Variants in SOX6 observed in about 807,000 individuals in gnomAD.
SOX6 encodes SRY-box transcription factor 6.
Under a neutral mutation model 97.8 loss-of-function variants are expected in SOX6, and 11 were observed. That is an observed-to-expected ratio of 0.11 (90% CI 0.07 to 0.19). The LOEUF (loss-of-function observed/expected upper bound fraction) is 0.19. SOX6 is among the 10% of genes least tolerant of loss of function. SOX6 has a pLI of 1.00. For synonymous variants in SOX6, 360 were observed against 371.4 expected, an observed-to-expected ratio of 0.97 and a Z score of 0.35; for missense variants, 810 against 1,039.5, an observed-to-expected ratio of 0.78 and a Z score of 3.04.
chr11:16,523,503 A>G, intron 4 of SOX6, among the ~76,000 whole-genome samples: 1 of 152,116 alleles, frequency 6.6e-6, no homozygotes, highest in African/African-American at 2.4e-5. Flanking sequence ...GGAAATTTAT[A>G]GCACTAAATG....
intron 3 of SOX6, among the ~76,000 whole-genome samples, chr11:16,261,391 C>A (rs1853890708): frequency 1.3e-5 from 2 of 152,170 alleles, no homozygotes; most frequent in South Asian, 4.1e-4. Flanking sequence ...TGTTTATTTT[C>A]TGTAATTTTT....
At chr11:15,993,199 G>A (rs1311045717) in intron 13 of SOX6, among the ~76,000 whole-genome samples, 2 of 151,982 alleles carry the variant, frequency 1.3e-5, no homozygotes, top group Non-Finnish European at 2.9e-5. Flanking sequence ...TTTTCAAAAG[G>A]TATACTATTA....
intron 1 of SOX6, among the ~76,000 whole-genome samples, chr11:16,443,031 G>C (rs1197349920): frequency 6.6e-6 from 1 of 151,796 alleles, no homozygotes; most frequent in Non-Finnish European, 1.5e-5. Flanking sequence ...GAACTTTTTA[G>C]AATTCCTAAA....
chr11:16,067,227 T>C (rs1257243967), intron 9 of SOX6, among the ~76,000 whole-genome samples: 1 of 152,190 alleles, frequency 6.6e-6, no homozygotes, highest in South Asian at 2.1e-4. Context: ...TGTGAAGACA[T>C]GAGATTTGGG....
At chr11:16,586,308 A>C (rs1157744579) in intron 4 of SOX6, among the ~76,000 whole-genome samples, 1 of 152,170 alleles carries the variant, frequency 6.6e-6, no homozygotes, top group African/African-American at 2.4e-5. Context: ...TAGAGGTAAT[A>C]AGAGGTGGGG....
chr11:16,504,575 A>C (rs923778005), intron 4 of SOX6, among the ~76,000 whole-genome samples: 4 of 151,992 alleles, frequency 2.6e-5, no homozygotes, highest in Non-Finnish European at 4.4e-5. Flanking sequence ...TGGAAAAAAA[A>C]ATGAAGAGGA....
At position 16,340,489 on chromosome 11, in the gene SOX6, C is replaced by T. The variant is rs560730097; in HGVS notation, c.237+523G>A. Among the ~76,000 whole-genome samples the T allele has an allele frequency of 6.6e-5, 10 of 152,082 alleles. No individual in the cohort carries two copies. In the East Asian group the frequency reaches 1.4e-3, roughly 21 times the overall value. ...CTGTAGTCTGATTGACTTATTCTCA[C>T]GAGGTTTGCATGCCCTTTTGAAATT... is the stretch of plus-strand genomic sequence containing the variant. On this transcript the variant is annotated intron_variant, in intron 2 of 15. Transcript: ENST00000683767.
In SOX6 at chr11:16,124,456, G is replaced by T. The variant is rs111843326; in HGVS notation, c.778-12533C>A. ...GAGTATGAAGAATGAAAGGCAGAAA[G>T]TTGGAGGTAGTAGGTAGAAGGTACA... On this transcript the variant is annotated intron_variant, in intron 6 of 15. Transcript: ENST00000683767. 2.3e-3 allele frequency among the ~76,000 whole-genome samples: 343 copies of T among 152,214 alleles called. 1 individual carries two copies. Among genetic ancestry groups the T allele is most frequent in the African/African-American group, 7.7e-3 (321 of 41,548 alleles).
chr11:16,278,503 C>T (rs186250490), intron 3 of SOX6, among the ~76,000 whole-genome samples: 1,637 of 152,168 alleles, frequency 0.011, 26 homozygotes, highest in Non-Finnish European at 0.013. Flanking sequence ...GAGCTCATAG[C>T]GTAGACGCCA....
At chr11:16,706,439 G>A (rs1218247416) in intron 3 of SOX6, among the ~76,000 whole-genome samples, 3 of 71,638 alleles carry the variant, frequency 4.2e-5, no homozygotes, top group Non-Finnish European at 4.7e-5. Flanking sequence ...GAAAGAGTGA[G>A]AACCTATCAC....
At chr11:16,592,535 C>T (rs919772102) in intron 4 of SOX6, among the ~76,000 whole-genome samples, 20 of 151,934 alleles carry the variant, frequency 1.3e-4, no homozygotes, top group Admixed American at 1.0e-3. Context: ...AAATAGACAG[C>T]TCATTTGGGA....
At chr11:16,321,262 CAA>C (rs78785045) in intron 2 of SOX6, among the ~76,000 whole-genome samples, 18 of 67,134 alleles carry the variant, frequency 2.7e-4, no homozygotes, top group Admixed American at 5.2e-4. Flanking sequence ...ACATTATGGC[CAA>C]AAAAAAAAAA....
chr11:16,521,048 G>A (rs918893411), intron 4 of SOX6, among the ~76,000 whole-genome samples: 1 of 152,198 alleles, frequency 6.6e-6, no homozygotes, highest in Non-Finnish European at 1.5e-5. Flanking sequence ...ACCTCTGGGG[G>A]CAGGGCACCG....
At chr11:16,212,217 T>C (rs893711253) in intron 4 of SOX6, among the ~76,000 whole-genome samples, 1 of 152,110 alleles carries the variant, frequency 6.6e-6, no homozygotes, top group East Asian at 1.9e-4. Flanking sequence ...TTAGCTCTAA[T>C]ACCAGAAGAT....
rs201022093 is a variant in SOX6, at chr11:16,132,401, A to G, written c.778-20478T>C. 4.8e-3 allele frequency among the ~76,000 whole-genome samples: 212 copies of G among 43,774 alleles called. 2 individuals carry two copies. The highest frequency in any genetic ancestry group is 0.01 in the Middle Eastern group (1 of 100). The allele number at this position is 43,774 out of a possible 152,430, so 28.7% of individuals were successfully genotyped here. On this transcript the variant is annotated intron_variant, in intron 6 of 15. Coordinates refer to ENST00000683767, the MANE Select transcript of SOX6 (RefSeq NM_001367873.1). ...AAGAAAGAAAGAAAGAAAGAAAGAA[A>G]AAAGAAAGAAAGAAAGAAAGAAAGA... is the stretch of plus-strand genomic sequence containing the variant.
At chr11:16,655,893 C>G (rs1847713354) in intron 3 of SOX6, among the ~76,000 whole-genome samples, 2 of 151,858 alleles carry the variant, frequency 1.3e-5, no homozygotes, top group African/African-American at 4.8e-5. Context: ...CACTTGAGCC[C>G]AGGAGTTCAA....
intron 13 of SOX6, among the ~76,000 whole-genome samples, chr11:16,002,172 C>G (rs1854425820): frequency 6.6e-6 from 1 of 152,144 alleles, no homozygotes; most frequent in Admixed American, 6.5e-5. Context: ...CGGAGTGGCG[C>G]AGGAGTTATA....
At chr11:16,291,386 T>TAAATAAATAAATAAAC (rs1456089963) in intron 3 of SOX6, among the ~76,000 whole-genome samples, 3 of 151,240 alleles carry the variant, frequency 2.0e-5, no homozygotes, top group Non-Finnish European at 4.4e-5. Context: ...AATAAATAAA[T>TAAATAAATAAATAAAC]AAACAAATAA....
At chr11:16,225,899 T>C (rs1003818464) in intron 4 of SOX6, among the ~76,000 whole-genome samples, 1 of 152,184 alleles carries the variant, frequency 6.6e-6, no homozygotes, top group African/African-American at 2.4e-5. Context: ...AACCCAACCA[T>C]AATATGCTTG....
Sources: allele counts gnomAD v4.1 joint callset (sites outside exome capture counted in the v4.1 genomes callset), GRCh38; gene constraint gnomAD v4.1.1; transcripts MANE v1.5; gene names NCBI Gene and HGNC (gene_info 2026-07-23, HGNC 2026-07-21).